Variants in PLEKHG1 observed in about 807,000 individuals in gnomAD.
PLEKHG1 encodes the protein pleckstrin homology and RhoGEF domain containing G1.
PLEKHG1 carries 44 observed loss-of-function variants against 100.8 expected under a neutral mutation model. That is an observed-to-expected ratio of 0.44 (90% CI 0.34 to 0.56). PLEKHG1 has a LOEUF of 0.56. PLEKHG1 is among the 20% of genes least tolerant of loss of function. The pLI is 0.01. For missense variants in PLEKHG1, 1,545 were observed against 1,720.9 expected, an observed-to-expected ratio of 0.90 and a Z score of 1.81; for synonymous variants, 640 against 662.5, an observed-to-expected ratio of 0.97 and a Z score of 0.52.
In PLEKHG1 at chr6:150,781,320, C is replaced by T. The variant is rs566997088; in HGVS notation, c.513-5070C>T. On this transcript the variant is annotated intron_variant, in intron 3 of 15. Coordinates refer to ENST00000358517, the Ensembl canonical transcript of PLEKHG1. ...AAGAGTTCAAGACCAGCCTGACCAACAGGGTGAAACCCCGTCTCTACTAAA... is the reference window on the plus strand; with the variant it reads ...AAGAGTTCAAGACCAGCCTGACCAATAGGGTGAAACCCCGTCTCTACTAAA... 2.0e-3 allele frequency among the ~76,000 whole-genome samples: 299 copies of T among 151,568 alleles called. 2 individuals are homozygous for T. The highest frequency in any genetic ancestry group is 6.1e-3 in the African/African-American group (252 of 41,446).
intron 14 of PLEKHG1, among the ~76,000 whole-genome samples, chr6:150,824,224 T>C (rs981142875): frequency 3.3e-5 from 5 of 152,262 alleles, no homozygotes; most frequent in Admixed American, 2.6e-4. Flanking sequence ...AGAATAAGAA[T>C]GGTATACTGT....
chr6:150,733,990 A>G (rs1243292697), exon 2 of PLEKHG1: 3 of 1,614,224 alleles, frequency 1.9e-6, no homozygotes, highest in Admixed American at 1.7e-5. Flanking sequence ...AGACGATCGC[A>G]GACTCGGCCA....
At chr6:150,639,360 C>T (rs1044405243) in intron 2 of PLEKHG1, among the ~76,000 whole-genome samples, 4 of 152,052 alleles carry the variant, frequency 2.6e-5, no homozygotes, top group South Asian at 4.1e-4. Flanking sequence ...TCATGGAATA[C>T]ATAATGATGT....
intron 2 of PLEKHG1, among the ~76,000 whole-genome samples, chr6:150,750,638 G>A (rs185766837): frequency 0.024 from 3,623 of 151,052 alleles, 59 homozygotes; most frequent in South Asian, 0.061. Flanking sequence ...AAAATTAGCC[G>A]GGCGTAGTGG....
chr6:150,739,860 T>C (rs1782760438), intron 2 of PLEKHG1, among the ~76,000 whole-genome samples: 2 of 152,138 alleles, frequency 1.3e-5, no homozygotes, highest in African/African-American at 4.8e-5. Flanking sequence ...TCTTTGTTTA[T>C]TGAGTGATCG....
chr6:150,697,679 A>G (rs1780602405), intron 3 of PLEKHG1, among the ~76,000 whole-genome samples: 1 of 152,226 alleles, frequency 6.6e-6, no homozygotes, highest in African/African-American at 2.4e-5. Flanking sequence ...TGGCTTCTCC[A>G]TGTATTGAGA....
chr6:150,745,701 A>C (rs1259904177), intron 2 of PLEKHG1, among the ~76,000 whole-genome samples: 1 of 151,990 alleles, frequency 6.6e-6, no homozygotes, highest in Non-Finnish European at 1.5e-5. Flanking sequence ...AAAAAAAGCA[A>C]AATCACATGC....
chr6:150,673,568 ACT>A (rs1433535083), intron 3 of PLEKHG1, among the ~76,000 whole-genome samples: 7 of 151,276 alleles, frequency 4.6e-5, no homozygotes, highest in African/African-American at 1.2e-4. Flanking sequence ...CCCTTAATGA[ACT>A]CTTTCTTTTC....
intron 1 of PLEKHG1, among the ~76,000 whole-genome samples, chr6:150,629,701 C>T (rs1041746977): frequency 1.1e-4 from 17 of 152,142 alleles, no homozygotes; most frequent in Non-Finnish European, 2.1e-4. Flanking sequence ...CCTCATGATC[C>T]GCCTGCCTCG....
intron 2 of PLEKHG1, among the ~76,000 whole-genome samples, chr6:150,760,371 G>A (rs1006746379): frequency 2.0e-5 from 3 of 152,132 alleles, no homozygotes; most frequent in Admixed American, 1.3e-4. Context: ...AATAAAAAGC[G>A]TGTAAAGTTA....
At chr6:150,668,099 T>C (rs924609079) in intron 3 of PLEKHG1, among the ~76,000 whole-genome samples, 5 of 152,236 alleles carry the variant, frequency 3.3e-5, no homozygotes, top group African/African-American at 1.2e-4. Context: ...CTGGTTGCTG[T>C]TGGCTGTGAA....
chr6:150,770,212 C>T (rs1784653906), intron 3 of PLEKHG1, among the ~76,000 whole-genome samples: 2 of 152,168 alleles, frequency 1.3e-5, no homozygotes, highest in South Asian at 4.1e-4. Flanking sequence ...GCTATAAATG[C>T]AAACTCAGTC....
chr6:150,826,144 T>C (rs1776589271), intron 14 of PLEKHG1, among the ~76,000 whole-genome samples: 1 of 151,680 alleles, frequency 6.6e-6, no homozygotes, highest in Non-Finnish European at 1.5e-5. Flanking sequence ...ATCGTGCCAT[T>C]GCACTCCAGC....
chr6:150,700,321 C>T (rs550911632), intron 3 of PLEKHG1, among the ~76,000 whole-genome samples: 33 of 152,244 alleles, frequency 2.2e-4, no homozygotes, highest in Non-Finnish European at 4.7e-4. Context: ...CAAAATGTGT[C>T]CCCAGGACCA....
intron 15 of PLEKHG1, 38 bp from the exon 17 acceptor site, chr6:150,839,795 T>C (rs777111698): frequency 3.4e-6 from 4 of 1,190,656 alleles, no homozygotes; most frequent in African/African-American, 3.0e-5. Context: ...ATAGGAATTA[T>C]CCTGTGTGTA....
intron 3 of PLEKHG1, among the ~76,000 whole-genome samples, chr6:150,660,638 G>A (rs1374851396): frequency 6.6e-6 from 1 of 152,146 alleles, no homozygotes; most frequent in Non-Finnish European, 1.5e-5. Context: ...GTTTATTTAA[G>A]CACCTCATAC....
At chr6:150,840,086 A>C in exon 16 of PLEKHG1, 1 of 1,614,194 alleles carries the variant, frequency 6.2e-7, no homozygotes, top group Non-Finnish European at 8.5e-7. Context: ...AGATCAATAC[A>C]AAAAGTACTC....
chr6:150,618,858 A>G (rs1263944018), intron 1 of PLEKHG1, among the ~76,000 whole-genome samples: 1 of 152,200 alleles, frequency 6.6e-6, no homozygotes, highest in Admixed American at 6.5e-5. Flanking sequence ...TGGGGAGGAT[A>G]GCTTGAGACC....
intron 4 of PLEKHG1, among the ~76,000 whole-genome samples, chr6:150,793,398 T>G (rs1221877656): frequency 6.6e-6 from 1 of 152,172 alleles, no homozygotes; most frequent in Non-Finnish European, 1.5e-5. Flanking sequence ...AGACCCTGTC[T>G]TGAAATAAAA....
Sources: allele counts gnomAD v4.1 joint callset (sites outside exome capture counted in the v4.1 genomes callset), GRCh38; gene constraint gnomAD v4.1.1; transcripts MANE v1.5; gene names NCBI Gene and HGNC (gene_info 2026-07-23, HGNC 2026-07-21).